MAMDC2: variants seen among roughly 807,000 people sequenced by gnomAD.
MAMDC2 encodes the protein MAM domain containing 2.
Under a neutral mutation model 89.8 loss-of-function variants are expected in MAMDC2, and 57 were observed. The observed-to-expected ratio is 0.63, with a 90% CI of 0.51 to 0.79. MAMDC2 has a LOEUF of 0.79. Ranked by LOEUF, MAMDC2 falls within the 30% of genes least tolerant of loss-of-function variation. The pLI is 0.00. For synonymous variants in MAMDC2, 313 were observed against 293.4 expected (o/e 1.07, Z -0.68); for missense variants, 800 against 820.6 (o/e 0.97, Z 0.31).
chr9:70,180,087 C>A (rs955414327), intron 11 of MAMDC2, among the ~76,000 whole-genome samples: 2 of 151,596 alleles, frequency 1.3e-5, no homozygotes, highest in African/African-American at 4.8e-5. Flanking sequence ...TTGTTCAACT[C>A]CCACTTATGA....
chr9:70,139,617 G>A (rs1031521542), intron 7 of MAMDC2, among the ~76,000 whole-genome samples: 1 of 152,078 alleles, frequency 6.6e-6, no homozygotes, highest in African/African-American at 2.4e-5. Context: ...ATGATTTATA[G>A]TCCTTTGGGT....
intron 2 of MAMDC2, among the ~76,000 whole-genome samples, chr9:70,099,982 G>GAA (rs1554669991): frequency 7.3e-5 from 3 of 40,896 alleles, no homozygotes; most frequent in African/African-American, 7.3e-4. Context: ...CAAAAAGAAA[G>GAA]AGAGAGAGAG....
intron 9 of MAMDC2, among the ~76,000 whole-genome samples, chr9:70,144,105 C>A (rs1340682355): frequency 6.6e-6 from 1 of 152,186 alleles, no homozygotes; most frequent in Non-Finnish European, 1.5e-5. Flanking sequence ...CCAAGTTCAA[C>A]AGCTGAACTT....
rs568150098 is a variant in MAMDC2 at position 70,106,929 on chromosome 9, ATGG to A, written c.149-1281_149-1279del. Among the ~76,000 whole-genome samples the A allele has an allele frequency of 3.6e-3, 544 of 152,280 alleles. 1 individual carries two copies. The highest frequency in any genetic ancestry group is 0.013 in the African/African-American group (521 of 41,578). ...CACGGATATAAGGATCCAGGCTGGG[ATGG>A]GCATTTGAGACAACAAGCGTGGGAG... On this transcript the variant is annotated intron_variant, in intron 2 of 13. Coordinates refer to ENST00000377182, the MANE Select transcript of MAMDC2 (RefSeq NM_153267.5).
At chr9:70,070,083 T>G (rs1827368294) in intron 2 of MAMDC2, among the ~76,000 whole-genome samples, 1 of 152,176 alleles carries the variant, frequency 6.6e-6, no homozygotes, top group Non-Finnish European at 1.5e-5. Flanking sequence ...ACCAACATAC[T>G]ATGTGGGAGA....
intron 2 of MAMDC2, among the ~76,000 whole-genome samples, chr9:70,052,847 C>T (rs1380276409): frequency 2.0e-5 from 3 of 152,192 alleles, no homozygotes; most frequent in Non-Finnish European, 4.4e-5. Context: ...CCAAATATAA[C>T]AGCAAAGCAG....
chr9:70,145,064 T>G (rs17088889), intron 9 of MAMDC2, among the ~76,000 whole-genome samples: 10,476 of 152,314 alleles, frequency 0.069, 572 homozygotes, highest in East Asian at 0.22. Context: ...CCTCCTTGAC[T>G]TACTGATTTC....
intron 11 of MAMDC2, among the ~76,000 whole-genome samples, chr9:70,198,427 T>C (rs1410249985): frequency 6.6e-6 from 1 of 152,102 alleles, no homozygotes; most frequent in African/African-American, 2.4e-5. Flanking sequence ...GCTGTCAGAA[T>C]TCCTTGTAAA....
chr9:70,078,722 C>T (rs1827591570), intron 2 of MAMDC2, among the ~76,000 whole-genome samples: 2 of 152,084 alleles, frequency 1.3e-5, no homozygotes, highest in Non-Finnish European at 2.9e-5. Flanking sequence ...TAATTGCTAC[C>T]TCCTTTTAAT....
intron 11 of MAMDC2, among the ~76,000 whole-genome samples, chr9:70,192,230 A>T (rs1563993725): frequency 6.6e-6 from 1 of 152,148 alleles, no homozygotes; most frequent in East Asian, 1.9e-4. Flanking sequence ...CTTTAAAAAA[A>T]ATGGTCTTTT....
chr9:70,187,387 T>C (rs953968495), intron 11 of MAMDC2, among the ~76,000 whole-genome samples: 1 of 152,142 alleles, frequency 6.6e-6, no homozygotes, highest in African/African-American at 2.4e-5. Flanking sequence ...ATTAACTGAT[T>C]TTTAATTTCT....
intron 2 of MAMDC2, among the ~76,000 whole-genome samples, chr9:70,063,463 T>C (rs1006178619): frequency 1.1e-4 from 16 of 152,150 alleles, no homozygotes; most frequent in African/African-American, 3.6e-4. Flanking sequence ...TTCATCTTTG[T>C]AGTGCCTCAT....
At chr9:70,166,866 G>A (rs2032192874) in intron 9 of MAMDC2, among the ~76,000 whole-genome samples, 1 of 151,982 alleles carries the variant, frequency 6.6e-6, no homozygotes, top group African/African-American at 2.4e-5. Context: ...AGACTTTAAA[G>A]CTACCCCCCA....
At chr9:70,046,579 A>G (rs936747488) in intron 2 of MAMDC2, among the ~76,000 whole-genome samples, 3 of 152,216 alleles carry the variant, frequency 2.0e-5, no homozygotes, top group Non-Finnish European at 4.4e-5. Flanking sequence ...CCTGCTGAAC[A>G]CAACTGCCTC....
chr9:70,044,830 T>C lies in MAMDC2; in HGVS notation c.148+133T>C, dbSNP rs1341781323. 6.6e-6 allele frequency: 5 copies of C among 762,316 alleles called. No homozygotes were observed. The African/African-American group carries it at 6.9e-5, about 10-fold the overall frequency. The allele number at this position is 762,316 out of a possible 1,614,324, so 47.2% of individuals were successfully genotyped here. A position where few individuals can be genotyped will look rare whatever the true frequency, so the allele number is the denominator to read the frequency against. ...GAAAAGTGTGAGTCATGGATCCTCCTTCAAGCCCTCAGCTGTGCTGCAAGG... is the reference window on the plus strand; with the variant it reads ...GAAAAGTGTGAGTCATGGATCCTCCCTCAAGCCCTCAGCTGTGCTGCAAGG... On this transcript the variant is annotated intron_variant, in intron 2 of 13. Transcript: ENST00000377182.
chr9:70,211,997 T>A (rs1329621587), intron 11 of MAMDC2, among the ~76,000 whole-genome samples: 2 of 152,190 alleles, frequency 1.3e-5, no homozygotes, highest in Non-Finnish European at 2.9e-5. Flanking sequence ...AAGCTTTGTC[T>A]CAGAGGGGCA....
chr9:70,161,207 G>A, intron 9 of MAMDC2, among the ~76,000 whole-genome samples: 1 of 152,134 alleles, frequency 6.6e-6, no homozygotes, highest in African/African-American at 2.4e-5. Flanking sequence ...TGAGTTGAGA[G>A]GTTTGGATGT....
intron 2 of MAMDC2, among the ~76,000 whole-genome samples, chr9:70,045,593 G>A (rs1006832096): frequency 6.6e-6 from 1 of 152,062 alleles, no homozygotes; most frequent in Non-Finnish European, 1.5e-5. Context: ...TCCTCAGGCC[G>A]CAGATCCTCC....
chr9:70,107,471 G>C (rs1056148237), intron 2 of MAMDC2, among the ~76,000 whole-genome samples: 5 of 152,136 alleles, frequency 3.3e-5, no homozygotes, highest in Admixed American at 2.0e-4. Context: ...GGATAGAGGA[G>C]AAGGAAGGAC....
Sources: allele counts gnomAD v4.1 joint callset (sites outside exome capture counted in the v4.1 genomes callset), GRCh38; gene constraint gnomAD v4.1.1; transcripts MANE v1.5; gene names NCBI Gene and HGNC (gene_info 2026-07-23, HGNC 2026-07-21).